PABIR3: variants seen among roughly 807,000 people sequenced by gnomAD.
The protein encoded by PABIR3 is PABIR family member 1.
Under a neutral mutation model 23.1 loss-of-function variants are expected in PABIR3, and 20 were observed. The ratio of observed to expected loss-of-function variants is 0.86; its 90% CI spans 0.61 to 1.26. The LOEUF (loss-of-function observed/expected upper bound fraction) is 1.26, where lower values mean the gene tolerates loss of function less well. Among genes scored for constraint, PABIR3 ranks in the 50% most tolerant of loss-of-function variants. PABIR3 has a pLI of 0.00. For synonymous variants in PABIR3, 69 were observed against 68.5 expected (o/e 1.01, Z -0.04); for missense variants, 189 against 195.4 (o/e 0.97, Z 0.20).
chrX:134,859,909 C>T, the PABIR3 span, among the ~76,000 whole-genome samples: 1 of 111,253 alleles, frequency 9.0e-6, no homozygotes, highest in East Asian at 2.8e-4. Flanking sequence ...TTTAAAATTA[C>T]ATTATCCAGC....
rs1239166342 is a variant in PABIR3, at chrX:134,854,428, G to A, written c.*211G>A. The stretch of plus-strand genomic sequence containing the variant: ...TCTTGTGTACATCCTTAAATTTAAT[G>A]TAATAACATGTTAAAGATGTTTTCC... On this transcript the variant is annotated 3_prime_UTR_variant, in exon 11 of 11. Transcript: ENST00000645433. 3.1e-6 allele frequency: 1 copy of A among 321,391 alleles called. No homozygotes were observed. Among genetic ancestry groups the A allele is most frequent in the East Asian group, 5.0e-5 (1 of 20,143 alleles). 26.5% of individuals were successfully genotyped at this position (321,391 alleles called of 1,213,427 possible).
intron 9 of PABIR3, 40 bp from the exon 10 acceptor site, chrX:134,852,760 T>C: frequency 1.2e-6 from 1 of 803,711 alleles, no homozygotes; most frequent in Non-Finnish European, 1.7e-6. Context: ...AATAAACATG[T>C]TAAATAAAAC....
intron 7 of PABIR3, 104 bp downstream of exon 7, chrX:134,847,579 C>A: frequency 5.4e-6 from 3 of 558,897 alleles, no homozygotes; most frequent in Non-Finnish European, 8.6e-6. Context: ...TATATTTTGT[C>A]ACAGTACATC....
At chrX:134,827,059 C>G (rs769701999) in intron 3 of PABIR3, among the ~76,000 whole-genome samples, 47 of 111,587 alleles carry the variant, frequency 4.2e-4, no homozygotes, top group South Asian at 1.5e-3. Context: ...CTCCCAGGTT[C>G]AAGTGATTCT....
At chrX:134,811,963 T>C (rs1438274690) in intron 2 of PABIR3, among the ~76,000 whole-genome samples, 1 of 112,434 alleles carries the variant, frequency 8.9e-6, no homozygotes, top group Non-Finnish European at 1.9e-5. Context: ...TTGCCCATCT[T>C]CTGGTTTATT....
intron 2 of PABIR3, among the ~76,000 whole-genome samples, chrX:134,813,731 C>T (rs1248038209): frequency 1.8e-5 from 2 of 111,067 alleles, no homozygotes; most frequent in African/African-American, 6.5e-5. Context: ...TGAGGGCAGC[C>T]TAGGCAATAT....
Sources: gnomAD v4.1 joint callset for allele counts (sites outside exome capture counted in the v4.1 genomes callset) on GRCh38, gnomAD v4.1.1 for gene constraint, MANE v1.5 for transcripts, NCBI Gene and HGNC (gene_info 2026-07-23, HGNC 2026-07-21) for gene names.